SLC35E4: variants seen among roughly 807,000 people sequenced by gnomAD.
SLC35E4 encodes the protein solute carrier family 35 member E4, also known as solute carrier family 35, member E4.
A neutral mutation model predicts 19.3 loss-of-function variants in SLC35E4; 15 were observed. That is an observed-to-expected ratio of 0.78 (90% CI 0.52 to 1.20). The LOEUF is 1.20. Ranked by LOEUF, SLC35E4 falls within the 50% of genes most tolerant of loss-of-function variation. The pLI, the probability that SLC35E4 is intolerant of heterozygous loss-of-function variation, is 0.00. For synonymous variants in SLC35E4, 219 were observed against 219.9 expected (o/e 1.00, Z 0.04); for missense variants, 406 against 472.3 (o/e 0.86, Z 1.30).
chr22:30,658,534 A>T (rs1433655378), intron 2 of SLC35E4, among the ~76,000 whole-genome samples: 1 of 151,834 alleles, frequency 6.6e-6, no homozygotes, highest in African/African-American at 2.4e-5. Flanking sequence ...TTCTCTCTTC[A>T]TCCTGTCACC....
chr22:30,650,460 C>T (rs4325855), downstream of SLC35E4, among the ~76,000 whole-genome samples: 21,418 of 152,208 alleles, frequency 0.14, 1,920 homozygotes, highest in Non-Finnish European at 0.21. Flanking sequence ...TACGCCACTG[C>T]ACTCCAGCTT....
intron 1 of SLC35E4, among the ~76,000 whole-genome samples, chr22:30,637,296 T>A (rs2087967589): frequency 6.6e-6 from 1 of 152,184 alleles, no homozygotes; most frequent in South Asian, 2.1e-4. Flanking sequence ...GTTTATTTAC[T>A]TATTTAGACA....
chr22:30,648,843 C>CA (rs113704014), downstream of SLC35E4, among the ~76,000 whole-genome samples: 46 of 146,122 alleles, frequency 3.1e-4, 1 homozygote, highest in South Asian at 2.6e-3. Flanking sequence ...CTATCTCTTT[C>CA]AAAAAAAAAA....
At chr22:30,649,009 C>G (rs1223215348), downstream of SLC35E4, 1 of 594,730 alleles carries the variant, frequency 1.7e-6, no homozygotes, top group Non-Finnish European at 3.1e-6. Flanking sequence ...TACCTCTGAG[C>G]CTTTCCTTGG....
downstream of SLC35E4, among the ~76,000 whole-genome samples, chr22:30,648,449 C>CTT (rs1303920230): frequency 1.3e-5 from 2 of 152,138 alleles, no homozygotes; most frequent in Admixed American, 6.5e-5. Context: ...ACATGCAACT[C>CTT]TTTTTAAAAA....
intron 1 of SLC35E4, among the ~76,000 whole-genome samples, chr22:30,639,508 T>C (rs930681965): frequency 9.8e-5 from 15 of 152,304 alleles, no homozygotes; most frequent in African/African-American, 3.4e-4. Context: ...CTCGTCCTAA[T>C]AAGCCTGGGA....
downstream of SLC35E4, chr22:30,649,260 G>A (rs953001024): frequency 5.6e-6 from 4 of 716,916 alleles, no homozygotes; most frequent in Non-Finnish European, 1.0e-5. Context: ...GGAGGTAATG[G>A]CACCAACTGG....
rs960752146 is a variant in SLC35E4 at position 30,635,831 on chromosome 22, C to T, written c.-620C>T. The T allele has an allele frequency of 1.3e-5, 2 of 155,192 alleles. No homozygotes were observed. The highest frequency in any genetic ancestry group is 2.9e-5 in the Non-Finnish European group (2 of 70,004). 9.6% of individuals were successfully genotyped at this position (155,192 alleles called of 1,614,324 possible). On this transcript the variant is annotated 5_prime_UTR_variant, in exon 1 of 2. Coordinates refer to ENST00000343605, the MANE Select transcript of SLC35E4 (RefSeq NM_001001479.4). ...GGAGTCACAGCCGCAGCCAGAGCCG[C>T]AGCCAAAGCCTCAGAGAGCAGGAGT... is the stretch of plus-strand genomic sequence containing the variant.
At position 30,646,961 on chromosome 22, in the gene SLC35E4, G is replaced by A. The variant is rs751322323; in HGVS notation, c.983G>A (p.Cys328Tyr). The change falls in exon 2 of 2, where the codon TGC becomes TAC. Residue 328 changes from cysteine to tyrosine, a missense_variant. By Grantham distance (194) the Cys-to-Tyr change is radical. Coordinates refer to ENST00000343605, the MANE Select transcript of SLC35E4 (RefSeq NM_001001479.4). Reference protein sequence around the residue: ...TLSGMFLYHNCEFVASWAARR... With the variant: ...TLSGMFLYHNYEFVASWAARR... ...TCAGGAATGTTCCTTTACCACAACT[G>A]CGAGTTCGTGGCCTCCTGGGCTGCC... 19 of 1,613,874 alleles carry A rather than the reference G, an allele frequency of 1.2e-5. No homozygotes were observed. Among genetic ancestry groups the A allele is most frequent in the Non-Finnish European group, 3.4e-6 (4 of 1,180,036 alleles).
In SLC35E4 at chr22:30,653,985, G is replaced by GTT. The variant is rs71814511; in HGVS notation, c.*8+4743_*8+4744dup. ...GCCTCATTAGCTGTTTTGTTTTTTT[G>GTT]TTTTTTTTTTTTGAGACGGAGTCGC... On this transcript the variant is annotated intron_variant, in intron 2 of 2. Coordinates refer to the SLC35E4 transcript ENST00000406566. 112 of 143,512 alleles carry GTT rather than the reference G, an allele frequency of 7.8e-4. 1 individual carries two copies. Among genetic ancestry groups the GTT allele is most frequent in the Admixed American group, 1.4e-3 (20 of 14,180 alleles). The allele number at this position is 143,512 out of a possible 1,614,324, so 8.9% of individuals were successfully genotyped here.
Position 30,647,223 on chromosome 22 carries a change from C to T in SLC35E4, c.*192C>T. The T allele has an allele frequency of 1.5e-6, 1 of 667,206 alleles. No individual in the cohort carries two copies. Among genetic ancestry groups the T allele is most frequent in the Non-Finnish European group, 2.5e-6 (1 of 405,764 alleles). 41.3% of individuals were successfully genotyped at this position (667,206 alleles called of 1,614,324 possible). A position where few individuals can be genotyped will look rare whatever the true frequency, so the allele number is the denominator to read the frequency against. On this transcript the variant is annotated 3_prime_UTR_variant, in exon 2 of 2. Coordinates refer to ENST00000343605, the MANE Select transcript of SLC35E4 (RefSeq NM_001001479.4). ...GACCAGCCTGGCTAACATGGCAAAA[C>T]CTCATCTCTACTAAAAATAGAAAAA...
At chr22:30,656,110 A>G (rs2088333863) in intron 2 of SLC35E4, among the ~76,000 whole-genome samples, 1 of 151,786 alleles carries the variant, frequency 6.6e-6, no homozygotes, top group South Asian at 2.1e-4. Flanking sequence ...AGTAGCTGGG[A>G]CTACAGGTGT....
At chr22:30,659,028 G>A (rs542043521) in intron 2 of SLC35E4, among the ~76,000 whole-genome samples, 1 of 151,540 alleles carries the variant, frequency 6.6e-6, no homozygotes, top group South Asian at 2.1e-4. Context: ...GGAGGCTGAG[G>A]CAGGAGAATG....
chr22:30,662,042 T>TTG (rs1156930178), intron 2 of SLC35E4: 1 of 151,478 alleles, frequency 6.6e-6, no homozygotes, highest in South Asian at 2.1e-4. Flanking sequence ...TTTTTTTTTT[T>TTG]TTTTTTTTTA....
intron 1 of SLC35E4, 144 bp from the exon 2 acceptor site, chr22:30,646,454 A>C: frequency 2.1e-6 from 2 of 961,416 alleles, no homozygotes; most frequent in Non-Finnish European, 3.1e-6. Context: ...CCAACTCTTG[A>C]CTGTCATGTT....
chr22:30,667,037 G>A (rs532811875), downstream of SLC35E4: 9 of 152,302 alleles, frequency 5.9e-5, no homozygotes, highest in African/African-American at 2.2e-4. Flanking sequence ...AGAACGTTTA[G>A]CTTGAGAGGG....
intron 1 of SLC35E4, 128 bp downstream of exon 1, chr22:30,637,197 G>A: frequency 7.3e-7 from 1 of 1,378,914 alleles, no homozygotes; most frequent in Non-Finnish European, 9.6e-7. Context: ...GGCTGTGGAG[G>A]AAGCAGAACT....
At chr22:30,663,197 T>A (rs1338774591) in exon 3 of SLC35E4, 1 of 496,640 alleles carries the variant, frequency 2.0e-6, no homozygotes, top group Non-Finnish European at 3.6e-6. Flanking sequence ...CCTCAACCTA[T>A]CCCCTGGCCA....
chr22:30,651,642 T>C (rs1425079283), downstream of SLC35E4, among the ~76,000 whole-genome samples: 1 of 151,032 alleles, frequency 6.6e-6, no homozygotes, highest in Non-Finnish European at 1.5e-5. Context: ...AGAGAAAAAA[T>C]TGGAGGGGCT....
Sources: allele counts gnomAD v4.1 joint callset (sites outside exome capture counted in the v4.1 genomes callset), GRCh38; gene constraint gnomAD v4.1.1; transcripts MANE v1.5; gene names NCBI Gene and HGNC (gene_info 2026-07-23, HGNC 2026-07-21).